Variants in NEDD4L observed in about 807,000 individuals in gnomAD.
NEDD4L encodes NEDD4 like E3 ubiquitin protein ligase, also known as E3 ubiquitin-protein ligase NEDD4-like.
In NEDD4L, 54 loss-of-function variants were observed where a neutral mutation model predicts 148.9. The ratio of observed to expected loss-of-function variants is 0.36; its 90% CI spans 0.29 to 0.45. NEDD4L has a LOEUF of 0.45. Among genes scored for constraint, NEDD4L ranks in the 20% least tolerant of loss-of-function variants. The pLI is 1.00. For missense variants in NEDD4L, 856 were observed against 1,233.8 expected (o/e 0.69, Z 4.59); for synonymous variants, 433 against 440.7 (o/e 0.98, Z 0.22).
intron 5 of NEDD4L, among the ~76,000 whole-genome samples, chr18:58,296,300 T>G (rs1341277425): frequency 1.3e-5 from 2 of 152,204 alleles, no homozygotes; most frequent in African/African-American, 4.8e-5. Context: ...CCTCCAGGTC[T>G]TTTCTTCCTA....
At chr18:58,145,897 A>T (rs1456990922) in intron 1 of NEDD4L, among the ~76,000 whole-genome samples, 2 of 151,602 alleles carry the variant, frequency 1.3e-5, no homozygotes, top group African/African-American at 2.4e-5. Flanking sequence ...AAAAATGTAC[A>T]TTTTTTTAAA....
chr18:58,290,477 G>T (rs1283183283), intron 5 of NEDD4L, among the ~76,000 whole-genome samples: 1 of 148,416 alleles, frequency 6.7e-6, no homozygotes, highest in African/African-American at 2.5e-5. Flanking sequence ...AAAGCTTGGA[G>T]GTTACTCCGA....
At chr18:58,371,421 T>C (rs763831453) in intron 23 of NEDD4L, 4 of 152,174 alleles carry the variant, frequency 2.6e-5, no homozygotes, top group Non-Finnish European at 4.4e-5. Flanking sequence ...TTTCTTTTAA[T>C]GTACCTATAC....
chr18:58,175,202 G>A (rs995553677), intron 2 of NEDD4L, among the ~76,000 whole-genome samples: 4 of 152,232 alleles, frequency 2.6e-5, no homozygotes, highest in Non-Finnish European at 5.9e-5. Context: ...GGAAGGTCTT[G>A]GCAATCTAGC....
chr18:58,163,660 C>T lies in NEDD4L; in HGVS notation c.49-2128C>T, dbSNP rs147382391. On this transcript the variant is annotated intron_variant, in intron 1 of 30. Coordinates refer to ENST00000400345, the MANE Select transcript of NEDD4L (RefSeq NM_001144967.3). Reference sequence around the variant, plus strand: ...ATTGGCACAAACGAGTTGCGAACATCTTCTTTACCATATTCATGTTCTTTA... The same window carrying T: ...ATTGGCACAAACGAGTTGCGAACATTTTCTTTACCATATTCATGTTCTTTA... 9.7e-4 allele frequency among the ~76,000 whole-genome samples: 147 copies of T among 152,300 alleles called. 1 individual carries two copies. The Middle Eastern group carries it at 0.01, about 11-fold the overall frequency.
intron 2 of NEDD4L, among the ~76,000 whole-genome samples, chr18:58,168,477 T>G (rs1242594846): frequency 6.6e-6 from 1 of 152,240 alleles, no homozygotes; most frequent in Non-Finnish European, 1.5e-5. Flanking sequence ...TCTTTGTAAC[T>G]GGCATGTGGG....
intron 24 of NEDD4L, among the ~76,000 whole-genome samples, chr18:58,380,117 A>G (rs960394032): frequency 9.9e-5 from 15 of 151,996 alleles, no homozygotes; most frequent in Non-Finnish European, 2.2e-4. Flanking sequence ...CATAATAAAA[A>G]TAAAGCCAGT....
intron 1 of NEDD4L, among the ~76,000 whole-genome samples, chr18:58,148,432 C>T (rs2034337094): frequency 6.6e-6 from 1 of 152,194 alleles, no homozygotes; most frequent in African/African-American, 2.4e-5. Flanking sequence ...TCCCAAAGTG[C>T]TGGGATTACA....
chr18:58,230,047 C>T (rs2044939021), intron 2 of NEDD4L, among the ~76,000 whole-genome samples: 1 of 152,082 alleles, frequency 6.6e-6, no homozygotes, highest in South Asian at 2.1e-4. Flanking sequence ...AAAATATCAA[C>T]AGCAGACATG....
At chr18:58,336,411 A>G (rs1231037201) in intron 13 of NEDD4L, among the ~76,000 whole-genome samples, 1 of 151,964 alleles carries the variant, frequency 6.6e-6, no homozygotes, top group East Asian at 1.9e-4. Context: ...CCCCGTCTCT[A>G]CTAAAAGTAC....
At chr18:58,082,109 T>TTTTTTTTTTC (rs2083483475) in intron 1 of NEDD4L, among the ~76,000 whole-genome samples, 1 of 125,520 alleles carries the variant, frequency 8.0e-6, no homozygotes, top group African/African-American at 3.3e-5. Flanking sequence ...TATATTTTTT[T>TTTTTTTTTTC]TTTTTTTTTT....
At chr18:58,193,943 G>A (rs186813317) in intron 2 of NEDD4L, 1 of 152,442 alleles carries the variant, frequency 6.6e-6, no homozygotes, top group East Asian at 1.9e-4. Flanking sequence ...GCTCTTAGCT[G>A]TTCCGTTCTG....
At chr18:58,341,832 T>A (rs370862296) in intron 15 of NEDD4L, 35 bp downstream of exon 15, 159 of 1,597,550 alleles carry the variant, frequency 1.0e-4, no homozygotes, top group Non-Finnish European at 1.2e-4. Context: ...GGACTCACTC[T>A]GTCCTGTGAC....
intron 1 of NEDD4L, among the ~76,000 whole-genome samples, chr18:58,086,742 G>A (rs2083780411): frequency 1.3e-5 from 2 of 152,142 alleles, no homozygotes; most frequent in Non-Finnish European, 2.9e-5. Context: ...TATGTTTTGG[G>A]GGAAAAGTAT....
chr18:58,348,847 C>G (rs2043478061), intron 16 of NEDD4L, among the ~76,000 whole-genome samples: 1 of 152,066 alleles, frequency 6.6e-6, no homozygotes, highest in East Asian at 1.9e-4. Context: ...TTTGTTGATT[C>G]TCTGTGGTAT....
At chr18:58,349,900 G>A (rs2043651541) in intron 17 of NEDD4L, among the ~76,000 whole-genome samples, 1 of 152,190 alleles carries the variant, frequency 6.6e-6, no homozygotes, top group African/African-American at 2.4e-5. Context: ...GACAATTTAA[G>A]TGGCACTCAT....
intron 1 of NEDD4L, among the ~76,000 whole-genome samples, chr18:58,142,161 C>T (rs1238691120): frequency 1.3e-5 from 2 of 148,674 alleles, no homozygotes; most frequent in Non-Finnish European, 3.0e-5. Context: ...ATTCTCCTGC[C>T]TCAGCCTCCC....
At chr18:58,378,831 A>G (rs1325865327) in intron 24 of NEDD4L, among the ~76,000 whole-genome samples, 1 of 152,186 alleles carries the variant, frequency 6.6e-6, no homozygotes, top group Non-Finnish European at 1.5e-5. Context: ...GCAGCTTCCC[A>G]GGCAGCGCAA....
At chr18:58,148,445 C>A (rs748140072) in intron 1 of NEDD4L, among the ~76,000 whole-genome samples, 1 of 152,196 alleles carries the variant, frequency 6.6e-6, no homozygotes, top group African/African-American at 2.4e-5. Context: ...GGATTACAGA[C>A]GTGAGCCACT....
Sources: gnomAD v4.1 joint callset for allele counts (sites outside exome capture counted in the v4.1 genomes callset) on GRCh38, gnomAD v4.1.1 for gene constraint, MANE v1.5 for transcripts, NCBI Gene and HGNC (gene_info 2026-07-23, HGNC 2026-07-21) for gene names.